BCL2: variants seen among roughly 807,000 people sequenced by gnomAD.
BCL2 encodes the protein BCL2 apoptosis regulator.
BCL2 carries 1 observed loss-of-function variant against 14.2 expected under a neutral mutation model. The observed-to-expected ratio is 0.07, with a 90% CI of 0.02 to 0.33. The LOEUF (loss-of-function observed/expected upper bound fraction) is 0.33. Among genes scored for constraint, BCL2 ranks in the 10% least tolerant of loss-of-function variants. The probability of loss-of-function intolerance (pLI) is 0.99; values close to 1 mark genes in which losing one functional copy is unlikely to be tolerated. For missense variants in BCL2, 247 were observed against 305.9 expected, an observed-to-expected ratio of 0.81 and a Z score of 1.44; for synonymous variants, 151 against 137.2, an observed-to-expected ratio of 1.10 and a Z score of -0.70.
rs567643420 is a variant in BCL2 at position 63,241,839 on chromosome 18, G to A, written c.585+76243C>T. Among the ~76,000 whole-genome samples, 39 of 152,276 alleles carry A rather than the reference G, an allele frequency of 2.6e-4. No homozygotes were observed. The South Asian group carries it at 7.9e-3, about 31-fold the overall frequency. On this transcript the variant is annotated intron_variant, in intron 2 of 2. Transcript: ENST00000333681. The stretch of plus-strand genomic sequence containing the variant: ...CCTCACCCGTCATTACTCTTGTCTC[G>A]CTATCAGGTCACCTTTCGTAAAAAA...
intron 2 of BCL2, among the ~76,000 whole-genome samples, chr18:63,225,948 A>C (rs2144168650): frequency 6.6e-6 from 1 of 152,308 alleles, no homozygotes; most frequent in South Asian, 2.1e-4. Flanking sequence ...TTACACCTGC[A>C]TTGTGGCACC....
rs1431139174 is a variant in BCL2, at chr18:63,238,943, GA to G, written c.585+79138del. 3.9e-5 allele frequency among the ~76,000 whole-genome samples: 6 copies of G among 152,334 alleles called. No individual in the cohort carries two copies. In the East Asian group the frequency reaches 1.2e-3, roughly 29 times the overall value. The stretch of plus-strand genomic sequence containing the variant: ...GCTGGCATGTGCTTCTTGGTAACGA[GA>G]GAGCAGAGCCCCTGGAGAGCTGTGG... On this transcript the variant is annotated intron_variant, in intron 2 of 2. Transcript: ENST00000333681.
At position 63,198,633 on chromosome 18, in the gene BCL2, GAC is replaced by G. The variant is rs1422992701; in HGVS notation, c.586-69876_586-69875del. Among the ~76,000 whole-genome samples the G allele has an allele frequency of 7.8e-5, 11 of 140,164 alleles. No individual in the cohort carries two copies. The South Asian group carries it at 9.1e-4, about 12-fold the overall frequency. The allele number at this position is 140,164 out of a possible 152,430, so 92.0% of individuals were successfully genotyped here. A position where few individuals can be genotyped will look rare whatever the true frequency, so the allele number is the denominator to read the frequency against. On this transcript the variant is annotated intron_variant, in intron 2 of 2. Coordinates refer to ENST00000333681, the MANE Select transcript of BCL2 (RefSeq NM_000633.3). ...ACACACACTGACACACAGACACAGA[GAC>G]ACACACACAGACATACACAGACACA...
intron 2 of BCL2, among the ~76,000 whole-genome samples, chr18:63,181,010 G>A (rs1193635840): frequency 6.6e-6 from 1 of 152,190 alleles, no homozygotes; most frequent in African/African-American, 2.4e-5. Context: ...TATTAATGTG[G>A]AGAAGATGCT....
At chr18:63,136,090 G>A (rs757625819) in intron 2 of BCL2, among the ~76,000 whole-genome samples, 2 of 152,026 alleles carry the variant, frequency 1.3e-5, no homozygotes, top group African/African-American at 2.4e-5. Context: ...TCCCTCAGGG[G>A]CACCTCCTCC....
intron 2 of BCL2, among the ~76,000 whole-genome samples, chr18:63,265,350 A>G (rs1461666652): frequency 6.6e-6 from 1 of 152,262 alleles, no homozygotes; most frequent in Admixed American, 6.5e-5. Context: ...ATATTGTGGT[A>G]TGTGATCTTC....
chr18:63,144,076 T>C (rs2040021887), intron 2 of BCL2, among the ~76,000 whole-genome samples: 1 of 152,180 alleles, frequency 6.6e-6, no homozygotes, highest in African/African-American at 2.4e-5. Context: ...GTCAAGCAAA[T>C]TGCTATTTCC....
intron 2 of BCL2, among the ~76,000 whole-genome samples, chr18:63,165,778 T>C (rs1341346633): frequency 6.6e-6 from 1 of 152,072 alleles, no homozygotes; most frequent in African/African-American, 2.4e-5. Flanking sequence ...GACCTTAGGA[T>C]CTAGAGAAGG....
chr18:63,132,458 G>C (rs1182974045), intron 2 of BCL2, among the ~76,000 whole-genome samples: 2 of 152,186 alleles, frequency 1.3e-5, no homozygotes, highest in African/African-American at 4.8e-5. Context: ...TCTGAGGATA[G>C]TCCGTAATTT....
chr18:63,261,656 T>C (rs972676920), intron 2 of BCL2, among the ~76,000 whole-genome samples: 43 of 152,176 alleles, frequency 2.8e-4, no homozygotes, highest in Non-Finnish European at 8.8e-5. Flanking sequence ...ACCTACGCCA[T>C]TTAAGGAATG....
chr18:63,180,811 C>G lies in BCL2; in HGVS notation c.586-52052G>C, dbSNP rs371181572. Among the ~76,000 whole-genome samples the G allele has an allele frequency of 3.9e-5, 6 of 152,328 alleles. No homozygotes were observed. In the East Asian group the frequency reaches 1.2e-3, roughly 29 times the overall value. On this transcript the variant is annotated intron_variant, in intron 2 of 2. Coordinates refer to ENST00000333681, the MANE Select transcript of BCL2 (RefSeq NM_000633.3). ...GGGCCTCTCAGGGCTCCTACGGTAG[C>G]TGCTCCTATGGGCAGACACATCCCT...
chr18:63,270,799 A>G (rs1482875071), intron 2 of BCL2, among the ~76,000 whole-genome samples: 1 of 152,132 alleles, frequency 6.6e-6, no homozygotes, highest in African/African-American at 2.4e-5. Context: ...ACTCATATGT[A>G]TTATCATTTA....
chr18:63,239,725 G>A (rs1227710037), intron 2 of BCL2, among the ~76,000 whole-genome samples: 3 of 149,650 alleles, frequency 2.0e-5, no homozygotes, highest in Non-Finnish European at 4.4e-5. Context: ...GGGAGACAGA[G>A]AGAGACTCTG....
At chr18:63,258,737 C>T (rs1568249767) in intron 2 of BCL2, among the ~76,000 whole-genome samples, 1 of 152,212 alleles carries the variant, frequency 6.6e-6, no homozygotes, top group East Asian at 1.9e-4. Flanking sequence ...TCAAAGTAGC[C>T]TAAATGTCTT....
At chr18:63,242,698 AGG>A (rs1364475199) in intron 2 of BCL2, among the ~76,000 whole-genome samples, 1 of 152,216 alleles carries the variant, frequency 6.6e-6, no homozygotes, top group East Asian at 1.9e-4. Flanking sequence ...TCTCCAGAAC[AGG>A]GCTGTAGCAA....
intron 2 of BCL2, chr18:63,302,643 G>C: frequency 9.1e-6 from 9 of 984,946 alleles, no homozygotes; most frequent in Non-Finnish European, 1.1e-5. Flanking sequence ...TGAATTCAGA[G>C]TGAGTTAAAT....
intron 2 of BCL2, among the ~76,000 whole-genome samples, chr18:63,129,504 C>A (rs775063857): frequency 1.1e-4 from 16 of 152,232 alleles, no homozygotes; most frequent in Non-Finnish European, 2.4e-4. Flanking sequence ...GTCTTGAACT[C>A]CTGGGCTCAA....
intron 2 of BCL2, among the ~76,000 whole-genome samples, chr18:63,175,329 A>T (rs868072906): frequency 1.3e-5 from 2 of 152,270 alleles, no homozygotes; most frequent in African/African-American, 4.8e-5. Context: ...GTACTAGCCA[A>T]ATGCTATAGT....
chr18:63,250,148 A>G (rs530732850), intron 2 of BCL2, among the ~76,000 whole-genome samples: 1 of 152,350 alleles, frequency 6.6e-6, no homozygotes, highest in African/African-American at 2.4e-5. Context: ...GAGGCCCTCA[A>G]TAAAAGCACA....
Sources: allele counts gnomAD v4.1 joint callset (sites outside exome capture counted in the v4.1 genomes callset), GRCh38; gene constraint gnomAD v4.1.1; transcripts MANE v1.5; gene names NCBI Gene and HGNC (gene_info 2026-07-23, HGNC 2026-07-21).